Variants in PLPPR3 observed in about 807,000 individuals in gnomAD.
The protein encoded by PLPPR3 is phospholipid phosphatase-related protein type 3.
Under a neutral mutation model 27.3 loss-of-function variants are expected in PLPPR3, and 14 were observed. The observed-to-expected ratio is 0.51, with a 90% CI of 0.34 to 0.80. The LOEUF (loss-of-function observed/expected upper bound fraction) is 0.80. PLPPR3 is among the 30% of genes least tolerant of loss of function. PLPPR3 has a pLI of 0.01. For missense variants in PLPPR3, 1,287 were observed against 1,056.9 expected (o/e 1.22, Z -3.02); for synonymous variants, 671 against 508.0 (o/e 1.32, Z -4.32).
In PLPPR3 at chr19:819,072, C is replaced by G. The variant is rs1311340918; in HGVS notation, c.75+2413G>C. The stretch of plus-strand genomic sequence containing the variant: ...GCTCACTGCAACCTCCACCTCCCGT[C>G]CTCAAGCGATTCTCCCACCTCAGCC... On this transcript the variant is annotated intron_variant, in intron 2 of 7. Coordinates refer to ENST00000520876, the MANE Select transcript of PLPPR3 (RefSeq NM_001270366.2). 1.1e-4 allele frequency among the ~76,000 whole-genome samples: 12 copies of G among 107,150 alleles called. 5 individuals are homozygous for G. The highest frequency in any genetic ancestry group is 4.8e-4 in the African/African-American group (11 of 23,006). The allele number at this position is 107,150 out of a possible 152,430, so 70.3% of individuals were successfully genotyped here.
Position 813,422 on chromosome 19 carries a change from G to T in PLPPR3, c.1305C>A (p.Pro435=). The T allele has an allele frequency of 6.7e-7, 1 of 1,503,486 alleles. No homozygotes were observed. The highest frequency in any genetic ancestry group is 8.8e-7 in the Non-Finnish European group (1 of 1,133,720). 93.1% of individuals were successfully genotyped at this position (1,503,486 alleles called of 1,614,324 possible). ...CCTCCTCCTCCGCCATGGGTTCGGCGGGCGCGCGCAGGTGCCCGGGGCTGG... is the reference window on the plus strand; with the variant it reads ...CCTCCTCCTCCGCCATGGGTTCGGCTGGCGCGCGCAGGTGCCCGGGGCTGG... ...DDASPGHLRA[P]AEPMAEEEEE... Residue 435 remains proline, a synonymous_variant, in exon 8 of 8, where the codon CCC becomes CCA. Coordinates refer to ENST00000520876, the MANE Select transcript of PLPPR3 (RefSeq NM_001270366.2). The surrounding 1 kb of genome is among the most constrained non-coding windows in gnomAD (Gnocchi z 4.1).
chr19:817,580 C>G (rs1245873325), intron 2 of PLPPR3, among the ~76,000 whole-genome samples: 2 of 152,118 alleles, frequency 1.3e-5, no homozygotes, highest in South Asian at 2.1e-4. Flanking sequence ...AGGCATGGCC[C>G]CAGTCGTAAT....
At chr19:821,767 G>T (rs943261980) in intron 1 of PLPPR3, 148 bp downstream of exon 1, 3 of 379,366 alleles carry the variant, frequency 7.9e-6, no homozygotes, top group South Asian at 9.7e-5. Flanking sequence ...ACCCGGGATC[G>T]GGGGGTCGGG....
At position 813,292 on chromosome 19, in the gene PLPPR3, C is replaced by A; in HGVS notation, c.1435G>T (p.Gly479Trp). The change falls in exon 8 of 8, where the codon GGG (glycine) becomes TGG (tryptophan). Residue 479 changes from glycine to tryptophan, a missense_variant. Physicochemically the swap from Gly to Trp is radical, Grantham distance 184. Transcript: ENST00000520876. This position sits in a 1 kb window ranked among gnomAD's most constrained non-coding sequence, Gnocchi z 4.1. ...CGCGGTGGGAGGATGACCCGAGGCCCCAGCCCCGGCCGCGCCTGCACGGTG... is the reference window on the plus strand; with the variant it reads ...CGCGGTGGGAGGATGACCCGAGGCCACAGCCCCGGCCGCGCCTGCACGGTG... ...YPTVQARPGL[G>W]PRVILPPRAG... 6.8e-7 allele frequency: 1 copy of A among 1,465,012 alleles called. No homozygotes were observed. Among genetic ancestry groups the A allele is most frequent in the Non-Finnish European group, 8.9e-7 (1 of 1,120,282 alleles). 90.8% of individuals were successfully genotyped at this position (1,465,012 alleles called of 1,614,324 possible).
chr19:816,422 GCACC>G (rs1359681772), intron 2 of PLPPR3, among the ~76,000 whole-genome samples: 9 of 41,820 alleles, frequency 2.2e-4, no homozygotes, highest in Non-Finnish European at 3.4e-4. Flanking sequence ...CTCCACCCAT[GCACC>G]CACCCACCCA....
rs562425709 is a variant in PLPPR3 at position 821,539 on chromosome 19, C to T, written c.21G>A (p.Lys7=). Reference sequence around the variant, plus strand: ...TCATGCTGTCCTTCGGGATCTTGTTCTTCTCCTTGGTGGAGATCATGGTGC... The same window carrying T: ...TCATGCTGTCCTTCGGGATCTTGTTTTTCTCCTTGGTGGAGATCATGGTGC... The part of the protein sequence containing the change: MISTKE[K]NKIPKDSMTL... Residue 7 remains lysine, a synonymous_variant, in exon 2 of 8, where the codon AAG becomes AAA. Transcript: ENST00000520876. 43 of 1,492,794 alleles carry T rather than the reference C, an allele frequency of 2.9e-5. No homozygotes were observed. The highest frequency in any genetic ancestry group is 3.6e-5 in the Non-Finnish European group (40 of 1,117,744). 92.5% of individuals were successfully genotyped at this position (1,492,794 alleles called of 1,614,324 possible).
chr19:818,466 T>C (rs1409523608), intron 2 of PLPPR3, among the ~76,000 whole-genome samples: 2 of 152,002 alleles, frequency 1.3e-5, no homozygotes, highest in African/African-American at 4.8e-5. Context: ...TTTGGGAGGC[T>C]GAGGCAGGAA....
upstream of PLPPR3, among the ~76,000 whole-genome samples, chr19:822,183 G>C (rs1012931558): frequency 6.6e-6 from 1 of 151,870 alleles, no homozygotes; most frequent in African/African-American, 2.4e-5. Flanking sequence ...GCGGCTGGCG[G>C]GGCTCGGGGG....
In PLPPR3 at chr19:813,584, G is replaced by A. The variant is rs1301173851; in HGVS notation, c.1143C>T (p.Ser381=). 2.6e-6 allele frequency: 4 copies of A among 1,553,102 alleles called. No individual in the cohort carries two copies. The highest frequency in any genetic ancestry group is 2.6e-6 in the Non-Finnish European group (3 of 1,150,784). Residue 381 remains serine (S), a synonymous_variant, in exon 8 of 8, where the codon AGC becomes AGT. Coordinates refer to ENST00000520876, the MANE Select transcript of PLPPR3 (RefSeq NM_001270366.2). This position sits in a 1 kb window ranked among gnomAD's most constrained non-coding sequence, Gnocchi z 4.1. ...VTFSHTLPRA[S]APSLDDPARR... ...GCGCGGGGTCGTCCAGCGAGGGCGC[G>A]CTGGCCCTGGGCAGCGTGTGGCTGA... is the stretch of plus-strand genomic sequence containing the variant.
chr19:817,974 G>A (rs917905014), intron 2 of PLPPR3, among the ~76,000 whole-genome samples: 7 of 152,106 alleles, frequency 4.6e-5, no homozygotes, highest in African/African-American at 1.7e-4. Context: ...GGTGGCCCCT[G>A]GCAACTATCT....
At chr19:818,709 A>G (rs1233236983) in intron 2 of PLPPR3, among the ~76,000 whole-genome samples, 1 of 151,642 alleles carries the variant, frequency 6.6e-6, no homozygotes, top group Non-Finnish European at 1.5e-5. Context: ...AATTTTTTGT[A>G]TTTTTAGTAG....
chr19:821,512 C>T lies in PLPPR3; in HGVS notation c.48G>A (p.Thr16=), dbSNP rs1275898813. 5 of 1,512,674 alleles carry T rather than the reference C, an allele frequency of 3.3e-6. No homozygotes were observed. In the East Asian group the frequency reaches 8.3e-5, roughly 25 times the overall value. 93.7% of individuals were successfully genotyped at this position (1,512,674 alleles called of 1,614,324 possible). A position where few individuals can be genotyped will look rare whatever the true frequency, so the allele number is the denominator to read the frequency against. The change falls in exon 2 of 8, where the codon ACG becomes ACA. Residue 16 remains threonine (T), a synonymous_variant. Coordinates refer to ENST00000520876, the MANE Select transcript of PLPPR3 (RefSeq NM_001270366.2). ...CCACGAAGTAGAAGCAGGGCAGAAG[C>T]GTCATGCTGTCCTTCGGGATCTTGT... ...EKNKIPKDSM[T]LLPCFYFVEL...
chr19:822,538 G>GC (rs1188810312), upstream of PLPPR3, among the ~76,000 whole-genome samples: 1 of 152,062 alleles, frequency 6.6e-6, no homozygotes, highest in African/African-American at 2.4e-5. Context: ...ACTCACCCTC[G>GC]CCCCCTCCGC....
chr19:813,963 C>T lies in PLPPR3; in HGVS notation c.832-68G>A. The T allele has an allele frequency of 2.8e-6, 4 of 1,403,962 alleles. No homozygotes were observed. The highest frequency in any genetic ancestry group is 1.5e-5 in the African/African-American group (1 of 66,678). The allele number at this position is 1,403,962 out of a possible 1,614,324, so 87.0% of individuals were successfully genotyped here. On this transcript the variant is annotated intron_variant, in intron 7 of 7. Coordinates refer to ENST00000520876, the MANE Select transcript of PLPPR3 (RefSeq NM_001270366.2). This position sits in a 1 kb window ranked among gnomAD's most constrained non-coding sequence, Gnocchi z 4.1. ...GGGCTCCTCCCCTGTGATCGTTGGACTTGCCGCGGGGGGCTCTGGACCGGG... is the reference window on the plus strand; with the variant it reads ...GGGCTCCTCCCCTGTGATCGTTGGATTTGCCGCGGGGGGCTCTGGACCGGG...
rs1322080027 is a variant in PLPPR3 at position 813,579 on chromosome 19, G to A, written c.1148C>T (p.Pro383Leu). 8.4e-6 allele frequency: 13 copies of A among 1,555,072 alleles called. No individual in the cohort carries two copies. Among genetic ancestry groups the A allele is most frequent in the South Asian group, 1.2e-5 (1 of 84,868 alleles). The change falls in exon 8 of 8, where the codon CCC (proline) becomes CTC (leucine). Residue 383 changes from proline to leucine, a missense_variant. By Grantham distance (98) the Pro-to-Leu change is moderately conservative (BLOSUM62 -3). Coordinates refer to ENST00000520876, the MANE Select transcript of PLPPR3 (RefSeq NM_001270366.2). This position sits in a 1 kb window ranked among gnomAD's most constrained non-coding sequence, Gnocchi z 4.1. ...FSHTLPRASAPSLDDPARRHM... is the reference protein window; with the variant it reads ...FSHTLPRASALSLDDPARRHM... ...GCGGCGCGCGGGGTCGTCCAGCGAG[G>A]GCGCGCTGGCCCTGGGCAGCGTGTG...
chr19:815,435 G>A (rs1040221130), intron 3 of PLPPR3, 108 bp from the exon 4 acceptor site: 4 of 1,254,362 alleles, frequency 3.2e-6, no homozygotes, highest in Non-Finnish European at 4.2e-6. Context: ...CGGTGTGGAT[G>A]TTCACCGAGG....
Position 814,511 on chromosome 19 carries a change from G to T in PLPPR3, c.754C>A (p.Gln252Lys). Residue 252 changes from glutamine (Q) to lysine (K), a missense_variant, in exon 7 of 8, where the codon CAG (glutamine) becomes AAG (lysine). Transcript: ENST00000520876. The part of the protein sequence containing the change: ...AIAAGVCGLT[Q>K]ITQYRSHPVD... ...GGGTGGCTGCGGTACTGCGTGATCT[G>T]CGTGAGCCCGCATACGCCCGCGGCG... The T allele has an allele frequency of 6.2e-7, 1 of 1,611,260 alleles. No individual in the cohort carries two copies. Among genetic ancestry groups the T allele is most frequent in the Non-Finnish European group, 8.5e-7 (1 of 1,179,912 alleles).
At chr19:821,450 C>A (rs1323677557) in intron 2 of PLPPR3, 35 bp downstream of exon 2, 28 of 1,495,082 alleles carry the variant, frequency 1.9e-5, no homozygotes, top group Non-Finnish European at 2.4e-5. Flanking sequence ...GGAACCGAGG[C>A]GTCTCCCCCG....
chr19:821,584 G>T lies in PLPPR3; in HGVS notation c.-25C>A. ...TGGTGCCGCGGGCGCCGCAGGCCGTGGCTGGAGGGGAGAAAGCGGCGCTGG... is the reference window on the plus strand; with the variant it reads ...TGGTGCCGCGGGCGCCGCAGGCCGTTGCTGGAGGGGAGAAAGCGGCGCTGG... On this transcript the variant is annotated splice_region_variant and 5_prime_UTR_variant, in exon 2 of 8. Transcript: ENST00000520876. 1 of 1,467,766 alleles carries T rather than the reference G, an allele frequency of 6.8e-7. No individual in the cohort carries two copies. The highest frequency in any genetic ancestry group is 1.3e-5 in the South Asian group (1 of 76,664). The allele number at this position is 1,467,766 out of a possible 1,614,324, so 90.9% of individuals were successfully genotyped here. A position where few individuals can be genotyped will look rare whatever the true frequency, so the allele number is the denominator to read the frequency against.
Sources: allele counts gnomAD v4.1 joint callset (sites outside exome capture counted in the v4.1 genomes callset), GRCh38; gene constraint gnomAD v4.1.1; non-coding constraint Gnocchi (gnomAD v3.1); transcripts MANE v1.5; gene names NCBI Gene and HGNC (gene_info 2026-07-23, HGNC 2026-07-21).